The following ZNF654 variants were observed in gnomAD, a reference collection of about 807,000 sequenced individuals.
ZNF654 encodes melanoma-associated antigen.
In ZNF654, 19 loss-of-function variants were observed where a neutral mutation model predicts 95.3. That is an observed-to-expected ratio of 0.20 (90% CI 0.14 to 0.29). The LOEUF (loss-of-function observed/expected upper bound fraction) is 0.29. Ranked by LOEUF, ZNF654 falls within the 10% of genes least tolerant of loss-of-function variation. The pLI is 1.00. For missense variants in ZNF654, 1,046 were observed against 1,341.0 expected (o/e 0.78, Z 3.44); for synonymous variants, 413 against 457.9 (o/e 0.90, Z 1.25).
intron 2 of ZNF654, chr3:88,095,337 G>A (rs1384583363): frequency 3.8e-6 from 1 of 266,102 alleles, no homozygotes; most frequent in Non-Finnish European, 7.2e-6. Flanking sequence ...ATAGAAAGGG[G>A]TGGGGAGAAA....
chr3:88,116,488 C>A (rs779091955), intron 3 of ZNF654, among the ~76,000 whole-genome samples: 1 of 151,740 alleles, frequency 6.6e-6, no homozygotes, highest in Non-Finnish European at 1.5e-5. Context: ...CCATCGCACT[C>A]CATCCAGCCA....
intron 4 of ZNF654, among the ~76,000 whole-genome samples, chr3:88,128,534 GA>G (rs1022432412): frequency 6.6e-6 from 1 of 151,772 alleles, no homozygotes; most frequent in Admixed American, 6.6e-5. Flanking sequence ...ACTGAAAGAA[GA>G]AAAAAAATTT....
chr3:88,135,636 A>G (rs1037138415), intron 7 of ZNF654: 3 of 152,376 alleles, frequency 2.0e-5, no homozygotes, highest in Non-Finnish European at 4.4e-5. Flanking sequence ...ACTTAAGGAC[A>G]AAGTTTTTAA....
chr3:88,081,650 T>C lies in ZNF654; in HGVS notation c.187-4607T>C, dbSNP rs556053516. On this transcript the variant is annotated intron_variant, in intron 1 of 8. Coordinates refer to ENST00000636215, the MANE Select transcript of ZNF654 (RefSeq NM_001350134.2). ...TTCAAGTTGTGCCAGCTTTAGCCTT[T>C]AGGAGCTCCTTCAGGTTGGCTTCCA... Among the ~76,000 whole-genome samples the C allele has an allele frequency of 1.1e-4, 16 of 152,360 alleles. 1 individual carries two copies. The highest frequency in any genetic ancestry group is 2.4e-5 in the African/African-American group (1 of 41,582).
intron 3 of ZNF654, among the ~76,000 whole-genome samples, chr3:88,116,336 C>A (rs1419063616): frequency 6.6e-6 from 1 of 152,024 alleles, no homozygotes; most frequent in Non-Finnish European, 1.5e-5. Context: ...GCCTGACCAA[C>A]ATGGAGAAAA....
In ZNF654 at chr3:88,139,043, G is replaced by A. The variant is rs1247825184; in HGVS notation, c.1374G>A (p.Lys458=). 1.4e-5 allele frequency: 17 copies of A among 1,241,934 alleles called. No homozygotes were observed. In the South Asian group the frequency reaches 4.8e-4, roughly 35 times the overall value. The allele number at this position is 1,241,934 out of a possible 1,614,324, so 76.9% of individuals were successfully genotyped here. A position where few individuals can be genotyped will look rare whatever the true frequency, so the allele number is the denominator to read the frequency against. ...DPEFWNFVMI[K]KNCVALLSDK... ...AATTTTGGAACTTCGTAATGATTAAGAAAAACTGTGTAGCATTATTGAGTG... is the reference window on the plus strand; with the variant it reads ...AATTTTGGAACTTCGTAATGATTAAAAAAAACTGTGTAGCATTATTGAGTG... Residue 458 remains lysine (K), a synonymous_variant, in exon 8 of 9, where the codon AAG becomes AAA. Transcript: ENST00000636215.
In ZNF654 at chr3:88,059,317, C is replaced by G; in HGVS notation, c.-3C>G. 1 of 1,534,004 alleles carries G rather than the reference C, an allele frequency of 6.5e-7. No homozygotes were observed. The highest frequency in any genetic ancestry group is 1.2e-5 in the South Asian group (1 of 83,972). The stretch of plus-strand genomic sequence containing the variant: ...CTGGTACGCGCTGGGCGGCGAGAGC[C>G]TCATGGCGGAGGAAGAGAGCGACCA... On this transcript the variant is annotated 5_prime_UTR_variant, in exon 1 of 9. Transcript: ENST00000636215.
rs1276027066 is a variant in ZNF654, at chr3:88,142,536, T to C, written c.*884T>C. ...TGGTAAAAGCACACTGGGATACTTC[T>C]GTTTGTGTATATGTTGGGACATTGC... On this transcript the variant is annotated 3_prime_UTR_variant, in exon 9 of 9. Coordinates refer to ENST00000636215, the MANE Select transcript of ZNF654 (RefSeq NM_001350134.2). The C allele has an allele frequency of 6.6e-6, 1 of 152,280 alleles. No homozygotes were observed. Among genetic ancestry groups the C allele is most frequent in the East Asian group, 1.9e-4 (1 of 5,180 alleles). 9.4% of individuals were successfully genotyped at this position (152,280 alleles called of 1,614,324 possible).
At chr3:88,110,830 A>G (rs1559717097) in intron 2 of ZNF654, among the ~76,000 whole-genome samples, 1 of 152,224 alleles carries the variant, frequency 6.6e-6, no homozygotes, top group East Asian at 1.9e-4. Flanking sequence ...TTCTTCATAA[A>G]TACTTGCTGA....
intron 3 of ZNF654, among the ~76,000 whole-genome samples, chr3:88,123,234 G>C (rs1576325247): frequency 6.6e-6 from 1 of 152,072 alleles, no homozygotes; most frequent in East Asian, 1.9e-4. Context: ...TTTTTAAATA[G>C]ACCAAAATGA....
chr3:88,123,193 T>G (rs771671770), intron 3 of ZNF654, among the ~76,000 whole-genome samples: 1 of 152,104 alleles, frequency 6.6e-6, no homozygotes, highest in East Asian at 1.9e-4. Flanking sequence ...CAAAAAATAC[T>G]TGTAAGCTTA....
At chr3:88,111,847 T>G (rs917671633) in intron 2 of ZNF654, among the ~76,000 whole-genome samples, 3 of 151,970 alleles carry the variant, frequency 2.0e-5, no homozygotes, top group Admixed American at 6.6e-5. Flanking sequence ...ATCTCTTTTA[T>G]TTTCATAAAT....
intron 1 of ZNF654, among the ~76,000 whole-genome samples, chr3:88,070,783 T>C (rs185706854): frequency 6.6e-6 from 1 of 152,214 alleles, no homozygotes; most frequent in Non-Finnish European, 1.5e-5. Flanking sequence ...GTGAAATAAG[T>C]ACTGTTTTTA....
At chr3:88,061,605 A>C (rs1161763655) in intron 1 of ZNF654, among the ~76,000 whole-genome samples, 2 of 152,132 alleles carry the variant, frequency 1.3e-5, no homozygotes, top group Admixed American at 6.5e-5. Flanking sequence ...CCTTTTTTAT[A>C]TTAAAGCTTT....
At chr3:88,132,050 A>G (rs1221488267) in intron 6 of ZNF654, among the ~76,000 whole-genome samples, 4 of 152,058 alleles carry the variant, frequency 2.6e-5, no homozygotes, top group Non-Finnish European at 5.9e-5. Flanking sequence ...AGTGCTTCCT[A>G]TATTCTTTGC....
Position 88,129,822 on chromosome 3 carries a change from A to C in ZNF654, c.889A>C (p.Ile297Leu). 6.8e-7 allele frequency: 1 copy of C among 1,463,552 alleles called. No individual in the cohort carries two copies. Among genetic ancestry groups the C allele is most frequent in the Non-Finnish European group, 9.1e-7 (1 of 1,102,854 alleles). The allele number at this position is 1,463,552 out of a possible 1,614,324, so 90.7% of individuals were successfully genotyped here. ...GCTCCAGAATGGGGATATGTACTGT[A>C]TCTGGTAAGTGTTTGTAAATAAAGA... The part of the protein sequence containing the change: ...PQLQNGDMYC[I>L]WELIFIWSKL... The change falls in exon 6 of 9, where the codon ATC (isoleucine) becomes CTC (leucine). Residue 297 changes from isoleucine to leucine, a missense_variant. This residue lies in a region of ZNF654 where 121 missense variants were observed against 141.7 expected (regional missense o/e 0.85). Transcript: ENST00000636215.
At chr3:88,127,971 T>C (rs1706219896) in intron 4 of ZNF654, among the ~76,000 whole-genome samples, 1 of 152,192 alleles carries the variant, frequency 6.6e-6, no homozygotes, top group Non-Finnish European at 1.5e-5. Context: ...AAAACATTTG[T>C]AAGCACTTTA....
chr3:88,082,493 C>T (rs1708132065), intron 1 of ZNF654, among the ~76,000 whole-genome samples: 1 of 152,266 alleles, frequency 6.6e-6, no homozygotes, highest in South Asian at 2.1e-4. Context: ...TAGTGAACAG[C>T]TTGAATGACA....
At chr3:88,085,946 AATAATTGT>A (rs1291649930) in intron 1 of ZNF654, among the ~76,000 whole-genome samples, 1 of 152,134 alleles carries the variant, frequency 6.6e-6, no homozygotes, top group Non-Finnish European at 1.5e-5. Context: ...TTTAATATTG[AATAATTGT>A]TATTTTCACA....
Sources: gnomAD v4.1 joint callset for allele counts (sites outside exome capture counted in the v4.1 genomes callset) on GRCh38, gnomAD v4.1.1 for gene constraint, gnomAD v4.1.1 regional missense constraint, MANE v1.5 for transcripts, NCBI Gene and HGNC (gene_info 2026-07-23, HGNC 2026-07-21) for gene names.